Variants in AUP1 observed in about 807,000 individuals in gnomAD.
AUP1 encodes the protein AUP1 lipid droplet regulating VLDL assembly factor.
AUP1 carries 30 observed loss-of-function variants against 51.8 expected under a neutral mutation model. The ratio of observed to expected loss-of-function variants is 0.58; its 90% CI spans 0.43 to 0.79. The LOEUF is 0.79. Ranked by LOEUF, AUP1 falls within the 30% of genes least tolerant of loss-of-function variation. The probability of loss-of-function intolerance (pLI) is 0.00; values close to 1 mark genes in which losing one functional copy is unlikely to be tolerated. For missense variants in AUP1, 492 were observed against 517.1 expected, an observed-to-expected ratio of 0.95 and a Z score of 0.47; for synonymous variants, 227 against 209.0, an observed-to-expected ratio of 1.09 and a Z score of -0.74.
Position 74,527,383 on chromosome 2 carries a change from G to A in AUP1, c.962-20C>T, listed in dbSNP as rs771935776. Reference sequence around the variant, plus strand: ...TCTTGGCTGGGGAGAAAAGAGAAGGGAGTCCACTCCCTACTTACTTTCTTC... The same window carrying A: ...TCTTGGCTGGGGAGAAAAGAGAAGGAAGTCCACTCCCTACTTACTTTCTTC... On this transcript the variant is annotated intron_variant, in intron 9 of 11. Transcript: ENST00000377526. 9.9e-6 allele frequency: 16 copies of A among 1,613,486 alleles called. 1 individual carries two copies. The South Asian group carries it at 1.6e-4, about 17-fold the overall frequency.
In AUP1 at chr2:74,529,226, G is replaced by GAGTCCGA; in HGVS notation, c.244_245insTCGGACT (p.Ser82PhefsTer33). The GAGTCCGA allele has an allele frequency of 6.2e-7, 1 of 1,614,244 alleles. No homozygotes were observed. The highest frequency in any genetic ancestry group is 8.5e-7 in the Non-Finnish European group (1 of 1,180,056). The stretch of plus-strand genomic sequence containing the variant: ...CCTGACACTGTGATCCCGGAGTCCG[G>GAGTCCGA]AGTCCTCCTGCCGGGCCACGAGCCC... On this transcript the variant is annotated frameshift_variant, in exon 3 of 12. Transcript: ENST00000377526. LOFTEE classifies it high-confidence loss of function.
Position 74,528,236 on chromosome 2 carries a change from G to C in AUP1, c.671+12C>G. 1.2e-6 allele frequency: 2 copies of C among 1,612,286 alleles called. No homozygotes were observed. The highest frequency in any genetic ancestry group is 1.7e-6 in the Non-Finnish European group (2 of 1,178,446). On this transcript the variant is annotated intron_variant, in intron 6 of 11. Coordinates refer to ENST00000377526, the MANE Select transcript of AUP1 (RefSeq NM_181575.5). ...CTCTCCCCAGCGACCAAAATGTGAG[G>C]ACAGTTAATACCTTACTTGATACAC... is the stretch of plus-strand genomic sequence containing the variant.
At chr2:74,528,675 G>C in intron 4 of AUP1, 76 bp downstream of exon 4, 6 of 1,504,858 alleles carry the variant, frequency 4.0e-6, no homozygotes, top group Non-Finnish European at 5.4e-6. Context: ...AAGGGCCGAA[G>C]AAAGTTGTAA....
intron 6 of AUP1, 61 bp from the exon 7 acceptor site, chr2:74,528,067 C>A (rs1222625703): frequency 6.3e-7 from 1 of 1,587,738 alleles, no homozygotes; most frequent in African/African-American, 1.3e-5. Context: ...GTCACCATTC[C>A]CCACTTTGGT....
intron 10 of AUP1, 47 bp from the exon 11 acceptor site, chr2:74,527,106 A>C: frequency 6.2e-7 from 1 of 1,613,844 alleles, no homozygotes; most frequent in East Asian, 2.2e-5. Flanking sequence ...ATCATCATTA[A>C]ACACGCATCG....
chr2:74,529,668 G>T lies in AUP1; in HGVS notation c.-39C>A. 6.5e-7 allele frequency: 1 copy of T among 1,543,850 alleles called. No individual in the cohort carries two copies. ...GGAGCGCCCGGCCGTCGCCGCCGCCGCCATTTTCGCGCCCGGCCGCAGGGG... is the reference window on the plus strand; with the variant it reads ...GGAGCGCCCGGCCGTCGCCGCCGCCTCCATTTTCGCGCCCGGCCGCAGGGG... On this transcript the variant is annotated 5_prime_UTR_variant, in exon 1 of 12. Coordinates refer to ENST00000377526, the MANE Select transcript of AUP1 (RefSeq NM_181575.5).
intron 11 of AUP1, 28 bp from the exon 12 acceptor site, chr2:74,526,864 C>T: frequency 6.3e-7 from 1 of 1,593,428 alleles, no homozygotes; most frequent in South Asian, 1.1e-5. Flanking sequence ...AGATATTATT[C>T]AGGCTTTGCC....
intron 1 of AUP1, 24 bp from the exon 2 acceptor site, chr2:74,529,523 CAGGCGCCGA>C: frequency 6.5e-7 from 1 of 1,548,842 alleles, no homozygotes; most frequent in African/African-American, 1.4e-5. Flanking sequence ...GCGAAGTGGT[CAGGCGCCGA>C]AGGCCGAGAG....
intron 10 of AUP1, 84 bp from the exon 11 acceptor site, chr2:74,527,143 A>G (rs777697415): frequency 3.5e-5 from 56 of 1,609,398 alleles, no homozygotes; most frequent in Non-Finnish European, 4.7e-5. Context: ...GAGAGGCACT[A>G]TGCTAGGGTC....
chr2:74,527,644 A>C, intron 8 of AUP1, 54 bp from the exon 9 acceptor site: 1 of 1,589,936 alleles, frequency 6.3e-7, no homozygotes, highest in Non-Finnish European at 8.5e-7. Context: ...GAGAACTAGA[A>C]GGAGAGGCTA....
intron 4 of AUP1, 29 bp from the exon 5 acceptor site, chr2:74,528,518 G>A (rs1289572593): frequency 3.2e-6 from 5 of 1,585,300 alleles, no homozygotes; most frequent in Non-Finnish European, 3.5e-6. Flanking sequence ...AGTAGGATGG[G>A]AATCCAGCCA....
At position 74,526,972 on chromosome 2, in the gene AUP1, G is replaced by A. The variant is rs962178266; in HGVS notation, c.1165C>T (p.Arg389Cys). 5.6e-6 allele frequency: 9 copies of A among 1,613,932 alleles called. No individual in the cohort carries two copies. Among genetic ancestry groups the A allele is most frequent in the East Asian group, 2.2e-5 (1 of 44,884 alleles). ...SWARQESLQE[R>C]KQALYEYARR... ...GCGTATTCATATAGTGCTTGCTTGC[G>A]CTCCTGCAGGCTCTCCTGCCGGGCC... The change falls in exon 11 of 12, where the codon CGC becomes TGC. Residue 389 changes from arginine (R) to cysteine (C), a missense_variant. Physicochemically the swap from Arg to Cys is radical, Grantham distance 180. Coordinates refer to ENST00000377526, the MANE Select transcript of AUP1 (RefSeq NM_181575.5).
At position 74,527,286 on chromosome 2, in the gene AUP1, T is replaced by C. The variant is rs1430260766; in HGVS notation, c.1039A>G (p.Lys347Glu). 4 of 1,613,884 alleles carry C rather than the reference T, an allele frequency of 2.5e-6. No homozygotes were observed. Among genetic ancestry groups the C allele is most frequent in the Non-Finnish European group, 3.4e-6 (4 of 1,179,990 alleles). ...AVAFMPEDIT[K>E]GTQSLPTASA... Reference sequence around the variant, plus strand: ...GCTGTGGGTAGGGACTGAGTTCCCTTGGTGATGTCTTCAGGCATGAAAGCT... The same window carrying C: ...GCTGTGGGTAGGGACTGAGTTCCCTCGGTGATGTCTTCAGGCATGAAAGCT... Residue 347 changes from lysine to glutamate, a missense_variant, in exon 10 of 12, where the codon AAG (lysine) becomes GAG (glutamate). Transcript: ENST00000377526.
intron 4 of AUP1, 69 bp downstream of exon 4, chr2:74,528,682 G>T (rs1675325297): frequency 6.6e-6 from 10 of 1,518,530 alleles, no homozygotes; most frequent in Non-Finnish European, 8.9e-6. Flanking sequence ...GAAGAAAGTT[G>T]TAAAAACTCA....
At chr2:74,527,615 A>C (rs1212837356) in intron 8 of AUP1, 25 bp from the exon 9 acceptor site, 7 of 1,589,396 alleles carry the variant, frequency 4.4e-6, no homozygotes, top group Non-Finnish European at 5.1e-6. Context: ...AAAAAAGAAA[A>C]AAGAAATTCT....
Position 74,528,949 on chromosome 2 carries a change from G to C in AUP1, c.340-14C>G, listed in dbSNP as rs1675351302. The C allele has an allele frequency of 1.2e-6, 2 of 1,612,990 alleles. No individual in the cohort carries two copies. Among genetic ancestry groups the C allele is most frequent in the African/African-American group, 2.7e-5 (2 of 74,668 alleles). On this transcript the variant is annotated splice_polypyrimidine_tract_variant and intron_variant, in intron 3 of 11. Coordinates refer to ENST00000377526, the MANE Select transcript of AUP1 (RefSeq NM_181575.5). ...ATTGAGTAGAGGCTGGGAACCAGGA[G>C]AAGAGAAAGCAAGAAGAAAAATATT...
Position 74,529,573 on chromosome 2 carries a change from C to G in AUP1, c.50+7G>C. 6.4e-7 allele frequency: 1 copy of G among 1,562,298 alleles called. No individual in the cohort carries two copies. The highest frequency in any genetic ancestry group is 8.7e-7 in the Non-Finnish European group (1 of 1,151,000). The stretch of plus-strand genomic sequence containing the variant: ...GGGGATCGGTCTCTTCCCGCCGGGT[C>G]TCTTACCGGTGCGAGTCAAAGAGCC... On this transcript the variant is annotated splice_region_variant and intron_variant, in intron 1 of 11. Transcript: ENST00000377526.
intron 8 of AUP1, 21 bp from the exon 9 acceptor site, chr2:74,527,611 GA>G: frequency 6.3e-7 from 1 of 1,585,498 alleles, no homozygotes; most frequent in East Asian, 2.2e-5. Context: ...AGGAAAAAAA[GA>G]AAAAAGAAAT....
Position 74,529,113 on chromosome 2 carries a change from C to G in AUP1, c.339+19G>C. The G allele has an allele frequency of 6.2e-7, 1 of 1,614,182 alleles. No homozygotes were observed. The highest frequency in any genetic ancestry group is 8.5e-7 in the Non-Finnish European group (1 of 1,180,000). ...CCAGGGAACCGCCCCGTGGCGCTCT[C>G]GGCCTCGCTCTCACTCACGGTGCTA... On this transcript the variant is annotated intron_variant, in intron 3 of 11. Transcript: ENST00000377526.
Sources: allele counts gnomAD v4.1 joint callset, GRCh38; gene constraint gnomAD v4.1.1; transcripts MANE v1.5; gene names NCBI Gene and HGNC (gene_info 2026-07-23, HGNC 2026-07-21).